The following DLG2 variants were observed in gnomAD, a reference collection of about 807,000 sequenced individuals.
The protein encoded by DLG2 is disks large homolog 2.
DLG2 carries 45 observed loss-of-function variants against 132.5 expected under a neutral mutation model. The ratio of observed to expected loss-of-function variants is 0.34; its 90% CI spans 0.27 to 0.44. The LOEUF is 0.44. Ranked by LOEUF, DLG2 falls within the 20% of genes least tolerant of loss-of-function variation. The pLI is 1.00. For synonymous variants in DLG2, 424 were observed against 419.6 expected (o/e 1.01, Z -0.13); for missense variants, 1,045 against 1,196.9 (o/e 0.87, Z 1.87).
chr11:84,544,900 A>G (rs1466224319), intron 6 of DLG2, among the ~76,000 whole-genome samples: 1 of 152,228 alleles, frequency 6.6e-6, no homozygotes. Context: ...TCTTTGGTGG[A>G]ATGCTCTTCA....
chr11:85,623,657 A>G (rs2081881797), intron 2 of DLG2, among the ~76,000 whole-genome samples: 3 of 152,216 alleles, frequency 2.0e-5, no homozygotes, highest in African/African-American at 7.2e-5. Flanking sequence ...TCAAAGTAAT[A>G]AAGGCATTGA....
chr11:84,299,131 A>T (rs1394448020), intron 7 of DLG2, among the ~76,000 whole-genome samples: 2 of 152,234 alleles, frequency 1.3e-5, no homozygotes, highest in Non-Finnish European at 2.9e-5. Context: ...GATAAAAAAT[A>T]GAGAACTGCT....
chr11:85,208,762 C>A (rs1041730660), intron 4 of DLG2, among the ~76,000 whole-genome samples: 5 of 152,078 alleles, frequency 3.3e-5, no homozygotes, highest in African/African-American at 1.2e-4. Context: ...TACCAGAGAA[C>A]CAGGGAGTCC....
intron 6 of DLG2, among the ~76,000 whole-genome samples, chr11:85,005,368 G>A (rs566293562): frequency 7.2e-5 from 11 of 152,284 alleles, no homozygotes; most frequent in African/African-American, 2.6e-4. Flanking sequence ...AGCATGGAAT[G>A]TGTTTCCATT....
intron 3 of DLG2, among the ~76,000 whole-genome samples, chr11:85,536,517 CA>C (rs1349740253): frequency 6.6e-6 from 1 of 152,218 alleles, no homozygotes; most frequent in Non-Finnish European, 1.5e-5. Flanking sequence ...TCTGCTCTGC[CA>C]GTGTTTGAGG....
intron 19 of DLG2, among the ~76,000 whole-genome samples, chr11:83,614,678 C>A (rs1436269777): frequency 6.6e-6 from 1 of 152,060 alleles, no homozygotes; most frequent in East Asian, 1.9e-4. Context: ...CGTGATCACA[C>A]CACTGCACTC....
At chr11:84,731,579 A>G (rs530382552) in intron 6 of DLG2, among the ~76,000 whole-genome samples, 1 of 152,014 alleles carries the variant, frequency 6.6e-6, no homozygotes, top group African/African-American at 2.4e-5. Context: ...TATACAAAGA[A>G]TATGTGGTAC....
At chr11:84,174,014 C>CTTTTTTTTTTTTTTTTTTTTTTTTTT (rs11338428) in intron 8 of DLG2, among the ~76,000 whole-genome samples, 11 of 61,202 alleles carry the variant, frequency 1.8e-4, no homozygotes, top group African/African-American at 6.5e-4. Flanking sequence ...ACCCCCCGGC[C>CTTTTTTTTTTTTTTTTTTTTTTTTTT]TTTTTTTTTT....
intron 6 of DLG2, among the ~76,000 whole-genome samples, chr11:84,661,721 G>A (rs1018643955): frequency 3.3e-5 from 5 of 152,068 alleles, no homozygotes; most frequent in African/African-American, 1.2e-4. Context: ...TGTTGAGGGA[G>A]GGAGATTCAG....
chr11:84,636,034 T>C (rs964505170), intron 6 of DLG2, among the ~76,000 whole-genome samples: 25 of 152,194 alleles, frequency 1.6e-4, no homozygotes, highest in Non-Finnish European at 2.6e-4. Context: ...CAATGAGACA[T>C]TGTTTGGGAG....
At chr11:83,724,763 G>T in intron 18 of DLG2, 1 of 675,476 alleles carries the variant, frequency 1.5e-6, no homozygotes, top group South Asian at 1.6e-5. Context: ...AAAGGGAGGA[G>T]AATCTGCTGC....
intron 4 of DLG2, among the ~76,000 whole-genome samples, chr11:85,156,756 G>A (rs938406417): frequency 4.6e-5 from 7 of 152,142 alleles, no homozygotes; most frequent in Admixed American, 1.3e-4. Context: ...TAGACTAAGC[G>A]CAAAGTAAAA....
intron 7 of DLG2, among the ~76,000 whole-genome samples, chr11:84,399,900 G>A (rs943084382): frequency 1.3e-5 from 2 of 152,220 alleles, no homozygotes; most frequent in Admixed American, 6.5e-5. Flanking sequence ...TTGGCTGTAC[G>A]TATGTCTACT....
chr11:83,468,218 T>G (rs11233625), intron 25 of DLG2, among the ~76,000 whole-genome samples: 9,861 of 152,184 alleles, frequency 0.065, 364 homozygotes, highest in South Asian at 0.12. Context: ...TACAGTCCAG[T>G]GAATACTTGA....
intron 2 of DLG2, among the ~76,000 whole-genome samples, chr11:85,617,351 A>G (rs2081405986): frequency 6.6e-6 from 1 of 152,238 alleles, no homozygotes; most frequent in Non-Finnish European, 1.5e-5. Flanking sequence ...GTAAACTTCT[A>G]TTCATCTTCT....
chr11:84,846,460 A>G (rs2081485453), intron 6 of DLG2, among the ~76,000 whole-genome samples: 2 of 152,028 alleles, frequency 1.3e-5, no homozygotes, highest in African/African-American at 4.8e-5. Flanking sequence ...TCTATCTCCA[A>G]TTATTTCTTG....
intron 6 of DLG2, among the ~76,000 whole-genome samples, chr11:84,722,068 AAG>A (rs2061900115): frequency 6.6e-6 from 1 of 152,206 alleles, no homozygotes; most frequent in African/African-American, 2.4e-5. Context: ...GTTAGGTTCA[AAG>A]AAAAGTAGTA....
chr11:83,658,015 G>C (rs1054511866), intron 18 of DLG2, among the ~76,000 whole-genome samples: 30 of 152,182 alleles, frequency 2.0e-4, no homozygotes, highest in Admixed American at 7.9e-4. Context: ...GTGGAATAAG[G>C]ATAATAGCCA....
chr11:85,004,637 T>C (rs1287473910), intron 6 of DLG2, among the ~76,000 whole-genome samples: 1 of 152,236 alleles, frequency 6.6e-6, no homozygotes, highest in Non-Finnish European at 1.5e-5. Context: ...GATCGATAGA[T>C]TGCAAAACTT....
Sources: allele counts gnomAD v4.1 joint callset (sites outside exome capture counted in the v4.1 genomes callset), GRCh38; gene constraint gnomAD v4.1.1; transcripts MANE v1.5; gene names NCBI Gene and HGNC (gene_info 2026-07-23, HGNC 2026-07-21).